DMTN: variants seen among roughly 807,000 people sequenced by gnomAD.
DMTN encodes the protein dematin.
In DMTN, 27 loss-of-function variants were observed where a neutral mutation model predicts 59.4. That is an observed-to-expected ratio of 0.45 (90% CI 0.33 to 0.63). The LOEUF is 0.63. Ranked by LOEUF, DMTN falls within the 20% of genes least tolerant of loss-of-function variation. The pLI is 0.02. For synonymous variants in DMTN, 221 were observed against 203.7 expected (o/e 1.08, Z -0.72); for missense variants, 451 against 528.9 (o/e 0.85, Z 1.45).
chr8:22,056,271 G>A (rs1802516800), upstream of DMTN, among the ~76,000 whole-genome samples: 1 of 152,182 alleles, frequency 6.6e-6, no homozygotes, highest in South Asian at 2.1e-4. Context: ...TCAAGTCTCA[G>A]TACTGAGGAC....
chr8:22,072,428 G>T lies in DMTN; in HGVS notation c.707G>T (p.Arg236Leu), dbSNP rs201094236. 6.1e-4 allele frequency: 959 copies of T among 1,575,748 alleles called. No homozygotes were observed. Among genetic ancestry groups the T allele is most frequent in the Non-Finnish European group, 7.9e-4 (912 of 1,159,290 alleles). The stretch of plus-strand genomic sequence containing the variant: ...GAGGAGATGAAGGCTCTCAGGGAGC[G>T]TCAGAGAGAGGAACTCAGTAAGGTA... The part of the protein sequence containing the change: ...SGEEMKALRE[R>L]QREELSKVTS... The change falls in exon 9 of 16, where the codon CGT becomes CTT. Residue 236 changes from arginine to leucine, a missense_variant. Arg to Leu is a moderately radical substitution (Grantham distance 102, BLOSUM62 -2). Coordinates refer to ENST00000358242, the MANE Select transcript of DMTN (RefSeq NM_001387751.1).
chr8:22,055,243 G>C (rs1802021748), upstream of DMTN, among the ~76,000 whole-genome samples: 1 of 152,156 alleles, frequency 6.6e-6, no homozygotes, highest in Non-Finnish European at 1.5e-5. Flanking sequence ...AGCTCTCCTG[G>C]GGTGGGGCCT....
intron 8 of DMTN, among the ~76,000 whole-genome samples, chr8:22,070,611 C>G (rs1290100766): frequency 1.3e-5 from 2 of 152,156 alleles, no homozygotes; most frequent in Non-Finnish European, 2.9e-5. Flanking sequence ...GCATCCCAGG[C>G]TCTGTGAGGG....
At chr8:22,068,157 A>AG (rs2130954804) in intron 4 of DMTN, among the ~76,000 whole-genome samples, 1 of 152,250 alleles carries the variant, frequency 6.6e-6, no homozygotes, top group Admixed American at 6.5e-5. Flanking sequence ...GACCAGTGAC[A>AG]GGGGGCTAGA....
At chr8:22,052,443 T>G (rs1415429224), upstream of DMTN, among the ~76,000 whole-genome samples, 10 of 152,178 alleles carry the variant, frequency 6.6e-5, no homozygotes. Context: ...TTCTCCTTCC[T>G]TCTTTAGGCA....
intron 10 of DMTN, among the ~76,000 whole-genome samples, chr8:22,079,273 A>ATATATATATATATATATAT (rs1554562329): frequency 6.7e-4 from 19 of 28,554 alleles, no homozygotes; most frequent in African/African-American, 1.3e-3. Context: ...TAAATAAATA[A>ATATATATATATATATATAT]ATAAATATAT....
intron 7 of DMTN, 82 bp downstream of exon 7, chr8:22,070,019 G>T (rs1234890909): frequency 6.3e-7 from 1 of 1,588,620 alleles, no homozygotes; most frequent in Non-Finnish European, 8.6e-7. Flanking sequence ...GCTGGCTGGA[G>T]GGGGTCGGGA....
At chr8:22,052,467 C>T (rs1319882197), upstream of DMTN, among the ~76,000 whole-genome samples, 1 of 152,086 alleles carries the variant, frequency 6.6e-6, no homozygotes, top group Non-Finnish European at 1.5e-5. Flanking sequence ...GTGGGTGGGG[C>T]GGGGGCTTAA....
upstream of DMTN, among the ~76,000 whole-genome samples, chr8:22,049,961 C>T (rs956943231): frequency 6.6e-6 from 1 of 152,128 alleles, no homozygotes; most frequent in African/African-American, 2.4e-5. Context: ...CGAGCGCCGG[C>T]GCAGAGTCTG....
In DMTN at chr8:22,064,047, T is replaced by C. The variant is rs556502638; in HGVS notation, c.-171-2658T>C. ...GTAGATGGATGTATGGATTCAGGGA[T>C]GGATGGATGGATGGAGAGATGGATG... On this transcript the variant is annotated intron_variant, in intron 1 of 15. Transcript: ENST00000358242. Among the ~76,000 whole-genome samples, 3 of 152,194 alleles carry C rather than the reference T, an allele frequency of 2.0e-5. No homozygotes were observed. The East Asian group carries it at 5.8e-4, about 29-fold the overall frequency.
intron 10 of DMTN, 81 bp downstream of exon 10, chr8:22,073,916 T>C: frequency 8.6e-7 from 1 of 1,162,514 alleles, no homozygotes; most frequent in Non-Finnish European, 1.3e-6. Flanking sequence ...TTGTGACACA[T>C]ACAGGATGCA....
rs973267130 is a variant in DMTN at position 22,058,783 on chromosome 8, G to A, written c.-172+1647G>A. On this transcript the variant is annotated intron_variant, in intron 1 of 15. Transcript: ENST00000358242. This position sits in a 1 kb window ranked among gnomAD's most constrained non-coding sequence, Gnocchi z 4.3. ...TGGAGTAGGGGAGAGGGAGAAAGTG[G>A]GAGAAGAGGAGGGAGTCCCCAGGCT... 1.3e-5 allele frequency among the ~76,000 whole-genome samples: 2 copies of A among 151,574 alleles called. No individual in the cohort carries two copies. Among genetic ancestry groups the A allele is most frequent in the Non-Finnish European group, 2.9e-5 (2 of 67,852 alleles).
At chr8:22,079,386 G>C (rs1822605224) in intron 10 of DMTN, among the ~76,000 whole-genome samples, 1 of 148,894 alleles carries the variant, frequency 6.7e-6, no homozygotes, top group African/African-American at 2.5e-5. Context: ...GGGAGGTTGA[G>C]GCTACAGAAA....
chr8:22,056,452 A>G (rs1206606321), upstream of DMTN, among the ~76,000 whole-genome samples: 1 of 152,030 alleles, frequency 6.6e-6, no homozygotes, highest in East Asian at 1.9e-4. Context: ...GTGCCTGGAG[A>G]AAGCAGGCAT....
At chr8:22,073,388 G>A (rs113946717) in intron 9 of DMTN, among the ~76,000 whole-genome samples, 5,578 of 152,152 alleles carry the variant, frequency 0.037, 110 homozygotes, top group African/African-American at 0.059. Context: ...CACTTAGGGA[G>A]GCCGAGGCAG....
chr8:22,050,115 G>C (rs773554905), upstream of DMTN, among the ~76,000 whole-genome samples: 6 of 152,200 alleles, frequency 3.9e-5, no homozygotes, highest in Non-Finnish European at 8.8e-5. Flanking sequence ...ATCACAAAGA[G>C]CCTTAATCCC....
Position 22,069,670 on chromosome 8 carries a change from A to G in DMTN, c.394+152A>G, listed in dbSNP as rs2131034614. On this transcript the variant is annotated intron_variant, in intron 6 of 15. Coordinates refer to ENST00000358242, the MANE Select transcript of DMTN (RefSeq NM_001387751.1). Reference sequence around the variant, plus strand: ...GGCCAGGACCCCTCCCAGAGATGGGAGACCTGTCACTTTTTCTCTCTCCCC... The same window carrying G: ...GGCCAGGACCCCTCCCAGAGATGGGGGACCTGTCACTTTTTCTCTCTCCCC... 2.0e-5 allele frequency: 18 copies of G among 886,938 alleles called. No individual in the cohort carries two copies. In the South Asian group the frequency reaches 2.7e-4, roughly 13 times the overall value. The allele number at this position is 886,938 out of a possible 1,614,324, so 54.9% of individuals were successfully genotyped here.
intron 10 of DMTN, among the ~76,000 whole-genome samples, chr8:22,075,303 C>T (rs1045204146): frequency 6.6e-6 from 1 of 151,696 alleles, no homozygotes; most frequent in Non-Finnish European, 1.5e-5. Context: ...CTAGACCCTC[C>T]TCCTCCCCCT....
At chr8:22,051,029 T>C (rs1801300413), upstream of DMTN, among the ~76,000 whole-genome samples, 1 of 152,160 alleles carries the variant, frequency 6.6e-6, no homozygotes, top group African/African-American at 2.4e-5. Context: ...GGAAGGAGAC[T>C]TCCCCCAGGT....
Sources: allele counts gnomAD v4.1 joint callset (sites outside exome capture counted in the v4.1 genomes callset), GRCh38; gene constraint gnomAD v4.1.1; non-coding constraint Gnocchi (gnomAD v3.1); transcripts MANE v1.5; gene names NCBI Gene and HGNC (gene_info 2026-07-23, HGNC 2026-07-21).